The following MREG variants were observed in gnomAD, a reference collection of about 807,000 sequenced individuals.
The protein encoded by MREG is dilute suppressor protein homolog.
Under a neutral mutation model 28.5 loss-of-function variants are expected in MREG, and 31 were observed. The ratio of observed to expected loss-of-function variants is 1.09; its 90% CI spans 0.82 to 1.47. The LOEUF is 1.47. Ranked by LOEUF, MREG falls within the 40% of genes most tolerant of loss-of-function variation. The pLI, the probability that MREG is intolerant of heterozygous loss-of-function variation, is 0.00. For synonymous variants in MREG, 106 were observed against 95.2 expected (o/e 1.11, Z -0.66); for missense variants, 256 against 257.4 (o/e 0.99, Z 0.04).
intron 1 of MREG, among the ~76,000 whole-genome samples, chr2:216,022,439 A>G (rs1445457137): frequency 6.6e-6 from 1 of 152,112 alleles, no homozygotes; most frequent in Non-Finnish European, 1.5e-5. Context: ...ATCTCTAAGT[A>G]GATTCTTATA....
intron 2 of MREG, among the ~76,000 whole-genome samples, chr2:215,979,185 C>T (rs751860908): frequency 3.5e-4 from 53 of 152,224 alleles, no homozygotes; most frequent in Non-Finnish European, 6.3e-4. Context: ...AAAGATAGGT[C>T]GGGCACGGTG....
chr2:216,022,426 G>A (rs866946466), intron 1 of MREG, among the ~76,000 whole-genome samples: 1 of 152,002 alleles, frequency 6.6e-6, no homozygotes, highest in Non-Finnish European at 1.5e-5. Flanking sequence ...TAACTATGCT[G>A]CAATCTCTAA....
intron 1 of MREG, among the ~76,000 whole-genome samples, chr2:216,029,453 G>A (rs557907716): frequency 1.4e-4 from 18 of 128,424 alleles, no homozygotes; most frequent in Non-Finnish European, 2.9e-4. Context: ...ACTCCGCCTG[G>A]CGAGAGAGTG....
chr2:216,021,516 C>T (rs946572191), intron 1 of MREG, among the ~76,000 whole-genome samples: 3 of 152,156 alleles, frequency 2.0e-5, no homozygotes, highest in Non-Finnish European at 4.4e-5. Context: ...TGGGGCCCAC[C>T]CTGCAACTGT....
intron 1 of MREG, among the ~76,000 whole-genome samples, chr2:216,031,685 A>G (rs1405649412): frequency 1.8e-5 from 1 of 54,102 alleles, no homozygotes; most frequent in African/African-American, 7.2e-5. Context: ...GAAAGAAAGA[A>G]AGAAAGAGAA....
intron 1 of MREG, among the ~76,000 whole-genome samples, chr2:216,025,992 A>G (rs1053990361): frequency 2.0e-5 from 3 of 152,224 alleles, no homozygotes; most frequent in African/African-American, 7.2e-5. Flanking sequence ...ATTGTCCACA[A>G]GTAGAAGCAG....
intron 2 of MREG, among the ~76,000 whole-genome samples, chr2:215,948,503 T>A (rs990816857): frequency 6.6e-6 from 1 of 152,222 alleles, no homozygotes; most frequent in Non-Finnish European, 1.5e-5. Context: ...AACTAAGTCA[T>A]ATAAGAAATA....
chr2:215,995,286 A>T (rs973136572), intron 2 of MREG, among the ~76,000 whole-genome samples: 4 of 152,218 alleles, frequency 2.6e-5, no homozygotes, highest in Non-Finnish European at 4.4e-5. Context: ...CCTCAAGAGC[A>T]GAGGCAACTG....
chr2:215,981,210 T>C lies in MREG; in HGVS notation c.255+15096A>G, dbSNP rs574192732. Among the ~76,000 whole-genome samples the C allele has an allele frequency of 2.6e-5, 4 of 152,312 alleles. No individual in the cohort carries two copies. The South Asian group carries it at 8.3e-4, about 32-fold the overall frequency. The stretch of plus-strand genomic sequence containing the variant: ...TCAAGCAGATATTTGTACACCCGTG[T>C]TTGCAACAGCATTACTCACAAGAGC... On this transcript the variant is annotated intron_variant, in intron 2 of 4. Coordinates refer to ENST00000263268, the MANE Select transcript of MREG (RefSeq NM_018000.3).
chr2:216,019,135 G>A (rs548290134), intron 1 of MREG, among the ~76,000 whole-genome samples: 96 of 152,242 alleles, frequency 6.3e-4, no homozygotes, highest in African/African-American at 2.3e-3. Context: ...TAGCTCTTTA[G>A]TACTCCCATC....
chr2:215,985,879 A>C (rs968926370), intron 2 of MREG, among the ~76,000 whole-genome samples: 1 of 152,176 alleles, frequency 6.6e-6, no homozygotes, highest in African/African-American at 2.4e-5. Flanking sequence ...CTTGTTCCTT[A>C]GTAAGTGAAA....
intron 3 of MREG, 62 bp from the exon 4 acceptor site, chr2:215,945,796 A>G: frequency 1.4e-6 from 2 of 1,440,992 alleles, no homozygotes; most frequent in Non-Finnish European, 1.9e-6. Context: ...GTTCCGCAAT[A>G]CGGTCCCTGC....
chr2:215,964,160 T>A (rs372554724), intron 2 of MREG, among the ~76,000 whole-genome samples: 53 of 152,008 alleles, frequency 3.5e-4, no homozygotes, highest in Admixed American at 9.2e-4. Context: ...GAAAAAGCAT[T>A]TGATACAAAT....
Position 215,945,478 on chromosome 2 carries a change from T to C in MREG, c.510+93A>G, listed in dbSNP as rs945687968. On this transcript the variant is annotated intron_variant, in intron 4 of 4. Transcript: ENST00000263268. ...TCTGCCACCTCATATGTGATAGTGA[T>C]GGTGGTGTTGGAATACGGAGGATAG... is the stretch of plus-strand genomic sequence containing the variant. 6.3e-6 allele frequency: 9 copies of C among 1,420,890 alleles called. No individual in the cohort carries two copies. The African/African-American group carries it at 7.1e-5, about 11-fold the overall frequency. The allele number at this position is 1,420,890 out of a possible 1,614,324, so 88.0% of individuals were successfully genotyped here.
At chr2:215,946,976 A>G (rs755545555) in intron 3 of MREG, 47 bp downstream of exon 3, 1 of 1,102,198 alleles carries the variant, frequency 9.1e-7, no homozygotes, top group Non-Finnish European at 1.4e-6. Flanking sequence ...AAGAATAATG[A>G]TCACAACGAG....
chr2:216,025,193 C>G (rs1326452394), intron 1 of MREG, among the ~76,000 whole-genome samples: 1 of 152,134 alleles, frequency 6.6e-6, no homozygotes, highest in Admixed American at 6.5e-5. Context: ...TAATGCAAAA[C>G]TCATTAATAA....
intron 2 of MREG, among the ~76,000 whole-genome samples, chr2:215,966,746 C>T (rs755221138): frequency 4.6e-5 from 7 of 151,978 alleles, no homozygotes; most frequent in Non-Finnish European, 1.0e-4. Context: ...GGATTATAGG[C>T]GTGTGCCACC....
intron 2 of MREG, among the ~76,000 whole-genome samples, chr2:215,984,934 T>C (rs1559187155): frequency 3.3e-5 from 5 of 152,242 alleles, no homozygotes; most frequent in Admixed American, 2.6e-4. Context: ...GAAATCTATA[T>C]TGAATCACAA....
intron 2 of MREG, among the ~76,000 whole-genome samples, chr2:215,984,288 T>G (rs1046823745): frequency 1.3e-5 from 2 of 151,966 alleles, no homozygotes; most frequent in Non-Finnish European, 2.9e-5. Flanking sequence ...CCACAACATG[T>G]GGGAATTCAA....
Sources: gnomAD v4.1 joint callset for allele counts (sites outside exome capture counted in the v4.1 genomes callset) on GRCh38, gnomAD v4.1.1 for gene constraint, MANE v1.5 for transcripts, NCBI Gene and HGNC (gene_info 2026-07-23, HGNC 2026-07-21) for gene names.